BRCA2: variants seen among roughly 807,000 people sequenced by gnomAD.
The protein encoded by BRCA2 is BRCA2 DNA repair associated, also known as breast cancer type 2 susceptibility protein.
BRCA2 carries 203 observed loss-of-function variants against 276.7 expected under a neutral mutation model. The observed-to-expected ratio is 0.73, with a 90% CI of 0.65 to 0.82. BRCA2 has a LOEUF of 0.82. Among genes scored for constraint, BRCA2 ranks in the 40% least tolerant of loss-of-function variants. BRCA2 has a pLI of 0.00. For missense variants in BRCA2, 3,920 were observed against 3,915.0 expected (o/e 1.00, Z -0.03); for synonymous variants, 1,289 against 1,338.4 (o/e 0.96, Z 0.81).
chr13:32,367,928 C>G (rs1377078015), intron 18 of BRCA2, among the ~76,000 whole-genome samples: 1 of 143,554 alleles, frequency 7.0e-6, no homozygotes, highest in Non-Finnish European at 1.5e-5. Flanking sequence ...AATGTTTCAA[C>G]AAATAAGGAA....
chr13:32,327,900 A>G (rs1401826633), intron 7 of BRCA2, among the ~76,000 whole-genome samples: 1 of 151,462 alleles, frequency 6.6e-6, no homozygotes, highest in Non-Finnish European at 1.5e-5. Context: ...CCTTCCAAGT[A>G]TCTGGGACTA....
In BRCA2 at chr13:32,319,203, C is replaced by T. The variant is rs1566215861; in HGVS notation, c.194C>T (p.Pro65Leu). 6.2e-7 allele frequency: 1 copy of T among 1,613,946 alleles called. No homozygotes were observed. Among genetic ancestry groups the T allele is most frequent in the Non-Finnish European group, 8.5e-7 (1 of 1,179,852 alleles). The part of the protein sequence containing the change: ...NNYEPNLFKT[P>L]QRKPSYNQLA... The stretch of plus-strand genomic sequence containing the variant: ...TACGAACCAAACCTATTTAAAACTC[C>T]ACAAAGGAAACCATCTTATAATCAG... Residue 65 changes from proline (P) to leucine (L), a missense_variant, in exon 3 of 27, where the codon CCA becomes CTA. Transcript: ENST00000380152.
At position 32,394,989 on chromosome 13, in the gene BRCA2, C is replaced by G. The variant is rs952504734; in HGVS notation, c.9501+56C>G. On this transcript the variant is annotated intron_variant, in intron 25 of 26. Coordinates refer to ENST00000380152, the MANE Select transcript of BRCA2 (RefSeq NM_000059.4). ...TTTGGTATTTTTCTATTTTGACAGTCCAGTATCAAGGAAATAGCTTTTATA... is the reference window on the plus strand; with the variant it reads ...TTTGGTATTTTTCTATTTTGACAGTGCAGTATCAAGGAAATAGCTTTTATA... 7.4e-5 allele frequency: 118 copies of G among 1,604,468 alleles called. No homozygotes were observed. The highest frequency in any genetic ancestry group is 6.6e-5 in the Non-Finnish European group (77 of 1,174,442).
At chr13:32,374,778 C>T (rs990784920) in intron 20 of BRCA2, among the ~76,000 whole-genome samples, 1 of 152,200 alleles carries the variant, frequency 6.6e-6, no homozygotes, top group Non-Finnish European at 1.5e-5. Context: ...CTTCTGAGCC[C>T]TCCAAACTCT....
rs200528973 is a variant in BRCA2 at position 32,399,142 on chromosome 13, GA to G, written c.*382del. On this transcript the variant is annotated 3_prime_UTR_variant, in exon 27 of 27. Coordinates refer to ENST00000380152, the MANE Select transcript of BRCA2 (RefSeq NM_000059.4). ...ATAGGGAGACCCCCATCTTTACAAA[GA>G]AAAAAAAAAGGGGAAAAGAAAATCT... The G allele has an allele frequency of 2.5e-3, 495 of 198,774 alleles. No homozygotes were observed. Among genetic ancestry groups the G allele is most frequent in the East Asian group, 3.8e-3 (47 of 12,448 alleles). The allele number at this position is 198,774 out of a possible 1,614,324, so 12.3% of individuals were successfully genotyped here.
In BRCA2 at chr13:32,396,907, A is replaced by C; in HGVS notation, c.9511A>C (p.Ile3171Leu). 1 of 1,614,144 alleles carries C rather than the reference A, an allele frequency of 6.2e-7. No homozygotes were observed. Among genetic ancestry groups the C allele is most frequent in the Non-Finnish European group, 8.5e-7 (1 of 1,180,006 alleles). ...KMKNTVENID[I>L]LCNEAENKLM... ...CCACTTATTTTCTTAGAATATTGAC[A>C]TACTTTGCAATGAAGCAGAAAACAA... Residue 3171 changes from isoleucine to leucine, a missense_variant, in exon 26 of 27, where the codon ATA becomes CTA. Physicochemically the swap from Ile to Leu is conservative, Grantham distance 5. Transcript: ENST00000380152.
rs1555282391 is a variant in BRCA2 at position 32,336,346 on chromosome 13, G to A, written c.1991G>A (p.Gly664Glu). Residue 664 changes from glycine (G) to glutamate (E), a missense_variant, in exon 11 of 27, where the codon GGG becomes GAG. Gly to Glu is a moderately conservative substitution (Grantham distance 98, BLOSUM62 -2). Coordinates refer to ENST00000380152, the MANE Select transcript of BRCA2 (RefSeq NM_000059.4). ...EPTLSLTSSF[G>E]TILRKCSRNE... ...ACTTTGTCCTTAACTAGCTCTTTTG[G>A]GACAATTCTGAGGAAATGTTCTAGA... 2 of 1,607,530 alleles carry A rather than the reference G, an allele frequency of 1.2e-6. No individual in the cohort carries two copies. Among genetic ancestry groups the A allele is most frequent in the Non-Finnish European group, 1.7e-6 (2 of 1,177,122 alleles).
chr13:32,384,871 G>A (rs1056142668), intron 24 of BRCA2: 3 of 292,160 alleles, frequency 1.0e-5, no homozygotes, highest in Non-Finnish European at 1.4e-5. Context: ...GCCAGAATGA[G>A]GAAGTGCTGG....
Position 32,325,762 on chromosome 13 carries a change from G to A in BRCA2, c.426-339G>A, listed in dbSNP as rs11571620. ...TCACCGTGTTAGCTAGGATGGTCTC[G>A]ATTTCCTGACCTCGTGATCCGCCCG... is the stretch of plus-strand genomic sequence containing the variant. On this transcript the variant is annotated intron_variant, in intron 4 of 26. Coordinates refer to ENST00000380152, the MANE Select transcript of BRCA2 (RefSeq NM_000059.4). Among the ~76,000 whole-genome samples the A allele has an allele frequency of 0.011, 1,651 of 151,860 alleles. 33 individuals carry two copies. Among genetic ancestry groups the A allele is most frequent in the African/African-American group, 0.038 (1,576 of 41,422 alleles).
intron 7 of BRCA2, among the ~76,000 whole-genome samples, chr13:32,328,213 T>A (rs1275890780): frequency 6.6e-6 from 1 of 151,830 alleles, no homozygotes; most frequent in African/African-American, 2.4e-5. Context: ...AAAGTAAATA[T>A]TCACCAACAT....
rs2072500788 is a variant in BRCA2 at position 32,338,642 on chromosome 13, G to C, written c.4287G>C (p.Gln1429His). Residue 1429 changes from glutamine to histidine, a missense_variant, in exon 11 of 27, where the codon CAG becomes CAC. Gln to His is a conservative substitution (Grantham distance 24). Transcript: ENST00000380152. ...KDFETSDTFF[Q>H]TASGKNISVA... The stretch of plus-strand genomic sequence containing the variant: ...TTGAGACTTCTGATACATTTTTTCA[G>C]ACTGCAAGTGGGAAAAATATTAGTG... 6.3e-7 allele frequency: 1 copy of C among 1,597,432 alleles called. No homozygotes were observed. The highest frequency in any genetic ancestry group is 8.5e-7 in the Non-Finnish European group (1 of 1,169,712).
At chr13:32,389,702 C>T (rs1446172379) in intron 24 of BRCA2, among the ~76,000 whole-genome samples, 1 of 152,154 alleles carries the variant, frequency 6.6e-6, no homozygotes, top group African/African-American at 2.4e-5. Flanking sequence ...TTTATTGTGA[C>T]ATAACCCCAT....
At position 32,339,216 on chromosome 13, in the gene BRCA2, T is replaced by C. The variant is rs1060502419; in HGVS notation, c.4861T>C (p.Cys1621Arg). 3 of 1,613,308 alleles carry C rather than the reference T, an allele frequency of 1.9e-6. No homozygotes were observed. The highest frequency in any genetic ancestry group is 4.5e-5 in the East Asian group (2 of 44,868). Residue 1621 changes from cysteine (C) to arginine (R), a missense_variant, in exon 11 of 27, where the codon TGT (cysteine) becomes CGT (arginine). Cys to Arg is a radical substitution (Grantham distance 180, BLOSUM62 -3). Coordinates refer to ENST00000380152, the MANE Select transcript of BRCA2 (RefSeq NM_000059.4). The part of the protein sequence containing the change: ...VPPKLLSDNL[C>R]RQTENLKTSK... ...ACCTAAGCTCTTAAGTGATAATTTATGTAGACAAACTGAAAATCTCAAAAC... is the reference window on the plus strand; with the variant it reads ...ACCTAAGCTCTTAAGTGATAATTTACGTAGACAAACTGAAAATCTCAAAAC...
chr13:32,398,549 T>C lies in BRCA2; in HGVS notation c.10036T>C (p.Leu3346=), dbSNP rs2073054767. 1.2e-6 allele frequency: 2 copies of C among 1,614,060 alleles called. No homozygotes were observed. Among genetic ancestry groups the C allele is most frequent in the African/African-American group, 1.3e-5 (1 of 74,914 alleles). The change falls in exon 27 of 27, where the codon TTG becomes CTG. Residue 3346 remains leucine, a synonymous_variant. Coordinates refer to ENST00000380152, the MANE Select transcript of BRCA2 (RefSeq NM_000059.4). ...TTCAATAGCTGACGAAGAACTTGCA[T>C]TGATAAATACCCAAGCTCTTTTGTC... is the stretch of plus-strand genomic sequence containing the variant. ...SNSIADEELA[L]INTQALLSGS...
chr13:32,384,252 G>A (rs2072943871), intron 24 of BRCA2, among the ~76,000 whole-genome samples: 7 of 152,196 alleles, frequency 4.6e-5, no homozygotes, highest in Admixed American at 3.9e-4. Context: ...TGTACAGGCA[G>A]ACAAGAACCA....
intron 8 of BRCA2, among the ~76,000 whole-genome samples, chr13:32,330,325 A>G (rs1330937173): frequency 3.3e-5 from 5 of 152,216 alleles, no homozygotes; most frequent in African/African-American, 9.6e-5. Flanking sequence ...CTCCTTCACA[A>G]TCTCACAGAT....
Position 32,344,607 on chromosome 13 carries a change from A to G in BRCA2, c.6891A>G (p.Ile2297Met), listed in dbSNP as rs1593912079. The part of the protein sequence containing the change: ...RNLLNEFDRI[I>M]ENQEKSLKAS... ...TATTAAATGAATTTGACAGGATAAT[A>G]GAAAATCAAGAAAAATCCTTAAAGG... The change falls in exon 12 of 27, where the codon ATA becomes ATG. Residue 2297 changes from isoleucine (I) to methionine (M), a missense_variant. Physicochemically the swap from Ile to Met is conservative, Grantham distance 10 (BLOSUM62 1). Around this residue, in one of 2 missense-constraint regions of BRCA2, gnomAD observed 3,263 missense variants for 3,156.9 expected, o/e 1.03. Coordinates refer to ENST00000380152, the MANE Select transcript of BRCA2 (RefSeq NM_000059.4). 1 of 1,582,724 alleles carries G rather than the reference A, an allele frequency of 6.3e-7. No homozygotes were observed. The highest frequency in any genetic ancestry group is 8.7e-7 in the Non-Finnish European group (1 of 1,152,034).
At chr13:32,330,172 G>T (rs1260216747) in intron 8 of BRCA2, among the ~76,000 whole-genome samples, 2 of 152,074 alleles carry the variant, frequency 1.3e-5, no homozygotes, top group African/African-American at 4.8e-5. Flanking sequence ...ATGCTTTCTG[G>T]CGTAATATGT....
chr13:32,341,080 A>T lies in BRCA2; in HGVS notation c.6725A>T (p.Asp2242Val). Residue 2242 changes from aspartate (D) to valine (V), a missense_variant, in exon 11 of 27, where the codon GAT becomes GTT. Around this residue, in one of 2 missense-constraint regions of BRCA2, gnomAD observed 3,263 missense variants for 3,156.9 expected, o/e 1.03. Transcript: ENST00000380152. The stretch of plus-strand genomic sequence containing the variant: ...TTTATGGAAGATGATGAACTGACAG[A>T]TTCTAAACTGCCAAGTCATGCCACA... ...KAFMEDDELTDSKLPSHATHS... is the reference protein window; with the variant it reads ...KAFMEDDELTVSKLPSHATHS... The T allele has an allele frequency of 6.2e-7, 1 of 1,614,010 alleles. No individual in the cohort carries two copies. Among genetic ancestry groups the T allele is most frequent in the Non-Finnish European group, 8.5e-7 (1 of 1,179,926 alleles).
Sources: gnomAD v4.1 joint callset for allele counts (sites outside exome capture counted in the v4.1 genomes callset) on GRCh38, gnomAD v4.1.1 for gene constraint, gnomAD v4.1.1 regional missense constraint, MANE v1.5 for transcripts, NCBI Gene and HGNC (gene_info 2026-07-23, HGNC 2026-07-21) for gene names.